FAM227B: variants seen among roughly 807,000 people sequenced by gnomAD.
The protein encoded by FAM227B is protein FAM227B.
A neutral mutation model predicts 73.8 loss-of-function variants in FAM227B; 88 were observed. The ratio of observed to expected loss-of-function variants is 1.19; its 90% confidence interval spans 1.00 to 1.42. The LOEUF is 1.42. Among genes scored for constraint, FAM227B ranks in the 40% most tolerant of loss-of-function variants. The probability of loss-of-function intolerance (pLI) is 0.00; values close to 1 mark genes in which losing one functional copy is unlikely to be tolerated. For synonymous variants in FAM227B, 210 were observed against 190.5 expected (o/e 1.10, Z -0.84); for missense variants, 632 against 590.9 (o/e 1.07, Z -0.72).
chr15:49,569,682 T>C (rs539045625), intron 8 of FAM227B, among the ~76,000 whole-genome samples: 3 of 152,086 alleles, frequency 2.0e-5, no homozygotes, highest in South Asian at 4.1e-4. Flanking sequence ...GTATACAATA[T>C]AGTACTATTA....
chr15:49,354,795 A>C (rs1165050963), intron 13 of FAM227B, among the ~76,000 whole-genome samples: 2 of 151,948 alleles, frequency 1.3e-5, no homozygotes, highest in African/African-American at 4.8e-5. Context: ...CAGGGCACAG[A>C]CAAACAAAAA....
intron 11 of FAM227B, among the ~76,000 whole-genome samples, chr15:49,480,382 A>G (rs888315670): frequency 6.6e-6 from 1 of 151,694 alleles, no homozygotes; most frequent in African/African-American, 2.4e-5. Context: ...ACCTCGGCTC[A>G]TTGCAACCTC....
intron 11 of FAM227B, chr15:49,488,380 T>G (rs1318362347): frequency 6.6e-6 from 1 of 151,982 alleles, no homozygotes; most frequent in Admixed American, 6.6e-5. Context: ...TCCTTTAATT[T>G]TGAATGGTTT....
At chr15:49,407,411 T>A (rs999632760) in intron 11 of FAM227B, among the ~76,000 whole-genome samples, 2 of 151,998 alleles carry the variant, frequency 1.3e-5, no homozygotes, top group Non-Finnish European at 1.5e-5. Flanking sequence ...GCTTCTGTGT[T>A]TTCCCTGTGA....
In FAM227B at chr15:49,362,240, C is replaced by T. The variant is rs1422841499; in HGVS notation, c.1271+5208G>A. Among the ~76,000 whole-genome samples, 6 of 152,024 alleles carry T rather than the reference C, an allele frequency of 3.9e-5. No homozygotes were observed. In the East Asian group the frequency reaches 1.2e-3, roughly 29 times the overall value. ...TGGATCATGGGAGTGGATTTCCCTC[C>T]TGCTGTTTTCATGATAGTGAAAGTT... is the stretch of plus-strand genomic sequence containing the variant. On this transcript the variant is annotated intron_variant, in intron 13 of 15. Transcript: ENST00000299338.
intron 11 of FAM227B, among the ~76,000 whole-genome samples, chr15:49,386,437 A>G (rs753263734): frequency 7.2e-5 from 11 of 151,856 alleles, no homozygotes; most frequent in Non-Finnish European, 1.3e-4. Context: ...TGGAAATTTA[A>G]AAATTATTTG....
chr15:49,438,824 G>A (rs1009980245), intron 11 of FAM227B, among the ~76,000 whole-genome samples: 2 of 118,028 alleles, frequency 1.7e-5, no homozygotes, highest in African/African-American at 2.9e-5. Flanking sequence ...TACCAATAGT[G>A]CTAAGCAACT....
At chr15:49,451,072 TA>T (rs1242915512) in intron 11 of FAM227B, among the ~76,000 whole-genome samples, 1 of 152,128 alleles carries the variant, frequency 6.6e-6, no homozygotes, top group Non-Finnish European at 1.5e-5. Flanking sequence ...ATCAAAATTT[TA>T]AGTCAGATAT....
chr15:49,427,832 T>C (rs1394585298), intron 11 of FAM227B, among the ~76,000 whole-genome samples: 1 of 151,886 alleles, frequency 6.6e-6, no homozygotes. Context: ...GGGTAGATGG[T>C]TGGAGGGCAT....
intron 11 of FAM227B, among the ~76,000 whole-genome samples, chr15:49,409,461 G>A (rs2048732687): frequency 6.6e-6 from 1 of 150,940 alleles, no homozygotes; most frequent in Non-Finnish European, 1.5e-5. Flanking sequence ...TGAGGATAAA[G>A]GAGTACTTGT....
chr15:49,371,061 G>A (rs532686804), intron 12 of FAM227B, among the ~76,000 whole-genome samples: 2 of 152,068 alleles, frequency 1.3e-5, no homozygotes, highest in African/African-American at 4.8e-5. Flanking sequence ...GACATGTTGT[G>A]AGGAAAAAAG....
At chr15:49,613,398 G>A (rs544037814) in intron 2 of FAM227B, among the ~76,000 whole-genome samples, 1 of 152,196 alleles carries the variant, frequency 6.6e-6, no homozygotes, top group Non-Finnish European at 1.5e-5. Flanking sequence ...CTACTCGAGA[G>A]GCTGAGGTGA....
In FAM227B at chr15:49,341,988, G is replaced by A. The variant is rs2040803678; in HGVS notation, c.1272-6492C>T. On this transcript the variant is annotated intron_variant, in intron 13 of 15. Coordinates refer to ENST00000299338, the MANE Select transcript of FAM227B (RefSeq NM_152647.3). ...ATTAGAGCATGTTCTGTGTGCAGAT[G>A]ATAGCAATGTATTTTCTGTGGTTGA... Among the ~76,000 whole-genome samples the A allele has an allele frequency of 1.3e-5, 2 of 152,126 alleles. 1 individual carries two copies. The highest frequency in any genetic ancestry group is 4.1e-4 in the South Asian group (2 of 4,834).
At chr15:49,396,190 C>T (rs1476497884) in intron 11 of FAM227B, 1 of 351,722 alleles carries the variant, frequency 2.8e-6, no homozygotes, top group Non-Finnish European at 5.6e-6. Flanking sequence ...TTGGGAAGCG[C>T]AAGGGGTCAG....
chr15:49,545,059 A>G (rs1335025914), intron 9 of FAM227B, among the ~76,000 whole-genome samples: 1 of 152,200 alleles, frequency 6.6e-6, no homozygotes, highest in African/African-American at 2.4e-5. Context: ...CTTGTGGAAT[A>G]GTTTCAGTAA....
intron 11 of FAM227B, among the ~76,000 whole-genome samples, chr15:49,505,810 A>G (rs972001275): frequency 6.6e-6 from 1 of 152,064 alleles, no homozygotes; most frequent in African/African-American, 2.4e-5. Context: ...ATTACATTAA[A>G]TGTAAGTGAA....
chr15:49,336,471 C>T (rs2039731135), intron 13 of FAM227B, among the ~76,000 whole-genome samples: 1 of 152,206 alleles, frequency 6.6e-6, no homozygotes, highest in Admixed American at 6.5e-5. Flanking sequence ...GCTCTTAAAC[C>T]TCTGCCATCA....
intron 11 of FAM227B, among the ~76,000 whole-genome samples, chr15:49,372,243 C>A (rs140230581): frequency 3.9e-5 from 5 of 128,426 alleles, no homozygotes; most frequent in Non-Finnish European, 8.8e-5. Flanking sequence ...ATAAAATTCA[C>A]TTATAAATAA....
intron 11 of FAM227B, among the ~76,000 whole-genome samples, chr15:49,430,367 A>G (rs928302753): frequency 5.3e-5 from 8 of 151,784 alleles, no homozygotes; most frequent in Non-Finnish European, 1.0e-4. Context: ...CCTTATGACT[A>G]TGAACTCAGA....
Sources: allele counts gnomAD v4.1 joint callset (sites outside exome capture counted in the v4.1 genomes callset), GRCh38; gene constraint gnomAD v4.1.1; transcripts MANE v1.5; gene names NCBI Gene and HGNC (gene_info 2026-07-23, HGNC 2026-07-21).